The following SHROOM3 variants were observed in gnomAD, a reference collection of about 807,000 sequenced individuals.
SHROOM3 encodes the protein protein Shroom3.
Under a neutral mutation model 138.6 loss-of-function variants are expected in SHROOM3, and 47 were observed. That is an observed-to-expected ratio of 0.34 (90% CI 0.27 to 0.43). The LOEUF (loss-of-function observed/expected upper bound fraction) is 0.43. Among genes scored for constraint, SHROOM3 ranks in the 20% least tolerant of loss-of-function variants. SHROOM3 has a pLI of 1.00. For missense variants in SHROOM3, 2,491 were observed against 2,596.5 expected (o/e 0.96, Z 0.88); for synonymous variants, 1,062 against 1,063.3 (o/e 1.00, Z 0.02).
At chr4:76,604,800 G>T (rs966946925) in intron 2 of SHROOM3, among the ~76,000 whole-genome samples, 2 of 152,162 alleles carry the variant, frequency 1.3e-5, no homozygotes, top group African/African-American at 4.8e-5. Flanking sequence ...TTCAAAATAA[G>T]ATTTCTAGGA....
At chr4:76,557,320 G>C (rs1733506518) in intron 2 of SHROOM3, among the ~76,000 whole-genome samples, 1 of 151,002 alleles carries the variant, frequency 6.6e-6, no homozygotes, top group African/African-American at 2.4e-5. Context: ...CAGCAATGTA[G>C]ATGAACCTGG....
rs61741135 is a variant in SHROOM3 at position 76,740,551 on chromosome 4, A to C, written c.2378A>C (p.Gln793Pro). Residue 793 changes from glutamine (Q) to proline (P), a missense_variant, in exon 5 of 11, where the codon CAA (glutamine) becomes CCA (proline). Transcript: ENST00000296043. This position sits in a 1 kb window ranked among gnomAD's most constrained non-coding sequence, Gnocchi z 4.0. ...EKVSKFEQRE[Q>P]GSQRPSVGGS... is the part of the protein sequence containing the mutation. ...GTCTCCAAATTCGAGCAGCGAGAGC[A>C]AGGGAGCCAGAGACCGAGTGTGGGC... 646 of 1,614,130 alleles carry C rather than the reference A, an allele frequency of 4.0e-4. 2 individuals carry two copies. The African/African-American group carries it at 8.1e-3, about 20-fold the overall frequency.
chr4:76,716,910 C>G (rs1332771937), intron 3 of SHROOM3, among the ~76,000 whole-genome samples: 3 of 152,112 alleles, frequency 2.0e-5, no homozygotes, highest in African/African-American at 7.2e-5. Context: ...TTCACTTATT[C>G]CTTCTCTGAT....
rs749120067 is a variant in SHROOM3 at position 76,756,433 on chromosome 4, TA to T, written c.4710-13del. 3 of 1,558,080 alleles carry T rather than the reference TA, an allele frequency of 1.9e-6. No homozygotes were observed. The highest frequency in any genetic ancestry group is 1.7e-6 in the Non-Finnish European group (2 of 1,149,272). ...TCTCTCTCTCTTTTTTTTTTTTTTT[TA>T]AATATCCCTGGCAGCTTCAACAAAC... On this transcript the variant is annotated splice_polypyrimidine_tract_variant and intron_variant, in intron 7 of 10. Transcript: ENST00000296043.
chr4:76,635,210 A>G (rs978970011), intron 2 of SHROOM3, among the ~76,000 whole-genome samples: 6 of 152,208 alleles, frequency 3.9e-5, no homozygotes, highest in Non-Finnish European at 7.3e-5. Context: ...CCATGTGGAC[A>G]CCTTGCCTCT....
At chr4:76,452,574 A>T (rs1319356476) in intron 1 of SHROOM3, among the ~76,000 whole-genome samples, 1 of 152,192 alleles carries the variant, frequency 6.6e-6, no homozygotes, top group Non-Finnish European at 1.5e-5. Context: ...AACTTCATTT[A>T]TTTTAAGGGT....
chr4:76,469,820 A>G (rs1731331398), intron 1 of SHROOM3, among the ~76,000 whole-genome samples: 1 of 152,186 alleles, frequency 6.6e-6, no homozygotes. Context: ...AAAGTCTGGT[A>G]AGTCAAAGAA....
intron 2 of SHROOM3, among the ~76,000 whole-genome samples, chr4:76,669,358 C>T (rs1718810331): frequency 6.6e-6 from 1 of 152,128 alleles, no homozygotes; most frequent in African/African-American, 2.4e-5. Context: ...CAGTGGCTCA[C>T]ACCTGTAATC....
At chr4:76,630,350 G>A (rs1367424023) in intron 2 of SHROOM3, among the ~76,000 whole-genome samples, 1 of 152,192 alleles carries the variant, frequency 6.6e-6, no homozygotes, top group African/African-American at 2.4e-5. Flanking sequence ...GATGGAGCAG[G>A]AAAGGTGATA....
intron 1 of SHROOM3, among the ~76,000 whole-genome samples, chr4:76,487,695 A>C (rs1375942638): frequency 1.3e-5 from 2 of 152,166 alleles, no homozygotes; most frequent in Admixed American, 1.3e-4. Context: ...TCATACTTAC[A>C]TTGAATTCAC....
chr4:76,767,935 T>C (rs1318957231), intron 9 of SHROOM3, among the ~76,000 whole-genome samples: 1 of 152,140 alleles, frequency 6.6e-6, no homozygotes, highest in Non-Finnish European at 1.5e-5. Flanking sequence ...TCTCAGGACA[T>C]GAGGTTGAAA....
chr4:76,706,102 G>A (rs79835647), intron 2 of SHROOM3, among the ~76,000 whole-genome samples: 37 of 152,200 alleles, frequency 2.4e-4, no homozygotes, highest in Non-Finnish European at 4.0e-4. Flanking sequence ...AGAAAAGAAT[G>A]GTTTTTGTTT....
intron 1 of SHROOM3, among the ~76,000 whole-genome samples, chr4:76,555,067 G>C (rs956870081): frequency 1.3e-5 from 2 of 151,554 alleles, no homozygotes; most frequent in Non-Finnish European, 2.9e-5. Flanking sequence ...GGGCTCCGCT[G>C]ATTCTATGTT....
chr4:76,780,283 A>T lies in SHROOM3; in HGVS notation c.*1106A>T, dbSNP rs958528036. ...AATAACATTTCAGAGGTTACTCTGT[A>T]GCCCCAGTTGTAAGCTTATAAAAAC... On this transcript the variant is annotated 3_prime_UTR_variant, in exon 11 of 11. Transcript: ENST00000296043. 10 of 152,210 alleles carry T rather than the reference A, an allele frequency of 6.6e-5. No homozygotes were observed. Among genetic ancestry groups the T allele is most frequent in the Non-Finnish European group, 1.0e-4 (7 of 68,034 alleles). The allele number at this position is 152,210 out of a possible 1,614,324, so 9.4% of individuals were successfully genotyped here.
chr4:76,732,304 ATTAC>A (rs1002511910), intron 4 of SHROOM3, among the ~76,000 whole-genome samples: 30 of 152,290 alleles, frequency 2.0e-4, no homozygotes, highest in African/African-American at 7.0e-4. Flanking sequence ...TTCTGGAAGG[ATTAC>A]TTAATGAACA....
chr4:76,742,014 C>G (rs763352641), intron 5 of SHROOM3, 88 bp downstream of exon 5: 3 of 1,498,866 alleles, frequency 2.0e-6, no homozygotes, highest in Non-Finnish European at 2.7e-6. Context: ...ACACTCTCAC[C>G]CGCTCTCCCA....
chr4:76,488,359 G>A (rs1259571183), intron 1 of SHROOM3, among the ~76,000 whole-genome samples: 1 of 152,094 alleles, frequency 6.6e-6, no homozygotes, highest in Non-Finnish European at 1.5e-5. Context: ...ATGGGCCAAA[G>A]CTATTTAAAC....
chr4:76,462,430 T>A (rs1293694442), intron 1 of SHROOM3, among the ~76,000 whole-genome samples: 1 of 151,944 alleles, frequency 6.6e-6, no homozygotes, highest in Non-Finnish European at 1.5e-5. Context: ...ACTATAGAAA[T>A]AACTATAGGG....
chr4:76,561,657 C>T (rs529372733), intron 2 of SHROOM3, among the ~76,000 whole-genome samples: 3 of 149,718 alleles, frequency 2.0e-5, no homozygotes, highest in Admixed American at 1.3e-4. Context: ...TATTCCACTG[C>T]CTCCTCCTTT....
Sources: gnomAD v4.1 joint callset for allele counts (sites outside exome capture counted in the v4.1 genomes callset) on GRCh38, gnomAD v4.1.1 for gene constraint, Gnocchi (gnomAD v3.1) non-coding constraint, MANE v1.5 for transcripts, NCBI Gene and HGNC (gene_info 2026-07-23, HGNC 2026-07-21) for gene names.